Variants in OXR1 observed in about 807,000 individuals in gnomAD.
The protein encoded by OXR1 is oxidation resistance protein 1.
A neutral mutation model predicts 104.6 loss-of-function variants in OXR1; 41 were observed. The observed-to-expected ratio is 0.39, with a 90% CI of 0.31 to 0.51. The LOEUF (loss-of-function observed/expected upper bound fraction) is 0.51. Ranked by LOEUF, OXR1 falls within the 20% of genes least tolerant of loss-of-function variation. OXR1 has a pLI of 0.77. For synonymous variants in OXR1, 348 were observed against 348.4 expected, an observed-to-expected ratio of 1.00 and a Z score of 0.01; for missense variants, 955 against 1,031.9, an observed-to-expected ratio of 0.93 and a Z score of 1.02.
chr8:106,581,127 A>G, intron 3 of OXR1: 13 of 1,261,990 alleles, frequency 1.0e-5, no homozygotes, highest in Non-Finnish European at 1.2e-5. Context: ...AGACTTAAAG[A>G]TTTAGAATTT....
intron 1 of OXR1, among the ~76,000 whole-genome samples, chr8:106,270,885 AG>A (rs1167024843): frequency 1.3e-5 from 2 of 152,072 alleles, no homozygotes; most frequent in African/African-American, 4.8e-5. Context: ...CGCCGGTGGA[AG>A]GGACAGTGGG....
chr8:106,395,008 G>C (rs940138619), intron 2 of OXR1, among the ~76,000 whole-genome samples: 1 of 151,148 alleles, frequency 6.6e-6, no homozygotes. Context: ...AAGTAGTGGG[G>C]GGAAAAGTAA....
chr8:106,498,691 A>C (rs943824420), intron 2 of OXR1, among the ~76,000 whole-genome samples: 5 of 152,230 alleles, frequency 3.3e-5, no homozygotes, highest in Middle Eastern at 3.4e-3. Flanking sequence ...ATGTGTGTGC[A>C]TGTGTATGTG....
At chr8:106,433,418 G>T (rs1208866407) in intron 2 of OXR1, among the ~76,000 whole-genome samples, 2 of 152,162 alleles carry the variant, frequency 1.3e-5, no homozygotes, top group Non-Finnish European at 2.9e-5. Flanking sequence ...GGAGCCAGAG[G>T]CTGCATGACT....
chr8:106,376,761 G>A (rs192734331), intron 2 of OXR1, among the ~76,000 whole-genome samples: 1 of 152,258 alleles, frequency 6.6e-6, no homozygotes, highest in East Asian at 1.9e-4. Flanking sequence ...TAAGAATGTG[G>A]GAACTACTGA....
intron 3 of OXR1, among the ~76,000 whole-genome samples, chr8:106,611,484 T>C (rs1820805655): frequency 6.6e-6 from 1 of 152,188 alleles, no homozygotes. Context: ...GCATTTTGTA[T>C]GGAGGTCAAG....
intron 15 of OXR1, among the ~76,000 whole-genome samples, chr8:106,743,970 TATAAG>T (rs1353330142): frequency 6.6e-6 from 1 of 152,118 alleles, no homozygotes; most frequent in African/African-American, 2.4e-5. Flanking sequence ...TGTTCTCACT[TATAAG>T]AAAGAGCTGA....
chr8:106,332,366 A>T (rs1814754493), intron 1 of OXR1, among the ~76,000 whole-genome samples: 1 of 152,188 alleles, frequency 6.6e-6, no homozygotes, highest in Non-Finnish European at 1.5e-5. Flanking sequence ...TAAGAAACTT[A>T]AAATGCTTAT....
chr8:106,628,047 C>T (rs976625117), intron 3 of OXR1, among the ~76,000 whole-genome samples: 2 of 152,136 alleles, frequency 1.3e-5, no homozygotes, highest in Admixed American at 1.3e-4. Flanking sequence ...ATTTCTAAAA[C>T]GTAAAATTCA....
chr8:106,618,565 G>A (rs111605819), intron 3 of OXR1, among the ~76,000 whole-genome samples: 20 of 152,270 alleles, frequency 1.3e-4, no homozygotes, highest in African/African-American at 4.8e-4. Context: ...TTTGTAACAA[G>A]TCCTTAGCGA....
intron 2 of OXR1, among the ~76,000 whole-genome samples, chr8:106,515,717 T>C (rs546000504): frequency 6.6e-6 from 1 of 152,304 alleles, no homozygotes; most frequent in African/African-American, 2.4e-5. Context: ...ATAGTACTTC[T>C]GTAGCTTTTA....
intron 1 of OXR1, among the ~76,000 whole-genome samples, chr8:106,347,863 A>G (rs1420502409): frequency 1.3e-5 from 2 of 152,238 alleles, no homozygotes; most frequent in Non-Finnish European, 2.9e-5. Context: ...GTAGGTAAAT[A>G]ATATCATATT....
chr8:106,569,736 C>T (rs776389933), intron 3 of OXR1, among the ~76,000 whole-genome samples: 2 of 152,222 alleles, frequency 1.3e-5, no homozygotes, highest in African/African-American at 4.8e-5. Context: ...TACCATTCTA[C>T]GTCAGTATCA....
intron 3 of OXR1, among the ~76,000 whole-genome samples, chr8:106,670,816 G>C (rs988893391): frequency 6.6e-6 from 1 of 152,040 alleles, no homozygotes; most frequent in Non-Finnish European, 1.5e-5. Context: ...AAGTAGATGA[G>C]AGATAGAATG....
chr8:106,479,673 AT>A (rs767199181), intron 2 of OXR1, among the ~76,000 whole-genome samples: 8 of 152,040 alleles, frequency 5.3e-5, no homozygotes, highest in Non-Finnish European at 1.0e-4. Flanking sequence ...CAGACAATTA[AT>A]TGACATAGGA....
At chr8:106,575,156 TAG>T (rs1817735982) in intron 3 of OXR1, among the ~76,000 whole-genome samples, 1 of 152,204 alleles carries the variant, frequency 6.6e-6, no homozygotes, top group Non-Finnish European at 1.5e-5. Flanking sequence ...GTTAGATGCT[TAG>T]AGTTTCCAGT....
chr8:106,317,146 A>G (rs1814000143), intron 1 of OXR1, among the ~76,000 whole-genome samples: 1 of 152,230 alleles, frequency 6.6e-6, no homozygotes, highest in Non-Finnish European at 1.5e-5. Flanking sequence ...GGAATAAAAG[A>G]GGAAGTGTGT....
intron 1 of OXR1, among the ~76,000 whole-genome samples, chr8:106,348,702 A>G (rs1006997108): frequency 6.6e-6 from 1 of 152,188 alleles, no homozygotes; most frequent in Non-Finnish European, 1.5e-5. Context: ...CTTGAGTACA[A>G]TAAAGTACAC....
At chr8:106,582,899 A>G (rs1360954167) in intron 3 of OXR1, among the ~76,000 whole-genome samples, 1 of 152,158 alleles carries the variant, frequency 6.6e-6, no homozygotes, top group Non-Finnish European at 1.5e-5. Context: ...TAGGATATGA[A>G]TATATTTGGC....
Sources: gnomAD v4.1 joint callset for allele counts (sites outside exome capture counted in the v4.1 genomes callset) on GRCh38, gnomAD v4.1.1 for gene constraint, MANE v1.5 for transcripts, NCBI Gene and HGNC (gene_info 2026-07-23, HGNC 2026-07-21) for gene names.